The following SREBF2 variants were observed in gnomAD, a reference collection of about 807,000 sequenced individuals.
The protein encoded by SREBF2 is sterol regulatory element-binding protein 2.
SREBF2 carries 55 observed loss-of-function variants against 113.1 expected under a neutral mutation model. The observed-to-expected ratio is 0.49, with a 90% confidence interval of 0.39 to 0.61. The LOEUF (loss-of-function observed/expected upper bound fraction) is 0.61, where lower values mean the gene tolerates loss of function less well. Among genes scored for constraint, SREBF2 ranks in the 20% least tolerant of loss-of-function variants. The probability of loss-of-function intolerance (pLI) is 0.00; values close to 1 mark genes in which losing one functional copy is unlikely to be tolerated. For synonymous variants in SREBF2, 593 were observed against 605.7 expected (o/e 0.98, Z 0.31); for missense variants, 1,349 against 1,487.4 (o/e 0.91, Z 1.53).
At chr22:41,896,223 G>A (rs1211963289) in intron 13 of SREBF2, among the ~76,000 whole-genome samples, 1 of 152,122 alleles carries the variant, frequency 6.6e-6, no homozygotes, top group Non-Finnish European at 1.5e-5. Context: ...ACATCTTGGG[G>A]ACCCAGCCCC....
intron 15 of SREBF2, 50 bp downstream of exon 15, chr22:41,898,831 G>A (rs2077439128): frequency 1.9e-6 from 3 of 1,608,122 alleles, no homozygotes; most frequent in Non-Finnish European, 2.5e-6. Flanking sequence ...GGGGAATCTT[G>A]TTTGAGTTAG....
intron 15 of SREBF2, 81 bp from the exon 16 acceptor site, chr22:41,900,249 C>T: frequency 6.3e-7 from 1 of 1,580,718 alleles, no homozygotes; most frequent in African/African-American, 1.3e-5. Context: ...TGGGGCGTGG[C>T]AGTCACTGGC....
In SREBF2 at chr22:41,906,092, C is replaced by T. The variant is rs904649881; in HGVS notation, c.*432C>T. On this transcript the variant is annotated 3_prime_UTR_variant, in exon 19 of 19. Transcript: ENST00000361204. ...TCAGGCCTGTGCCCAGCATGCCCTCCCCTTTTTATACGAATGTTTTCTACC... is the reference window on the plus strand; with the variant it reads ...TCAGGCCTGTGCCCAGCATGCCCTCTCCTTTTTATACGAATGTTTTCTACC... 5 of 437,030 alleles carry T rather than the reference C, an allele frequency of 1.1e-5. No individual in the cohort carries two copies. Among genetic ancestry groups the T allele is most frequent in the African/African-American group, 4.1e-5 (2 of 49,242 alleles). The allele number at this position is 437,030 out of a possible 1,614,324, so 27.1% of individuals were successfully genotyped here.
chr22:41,900,338 T>C lies in SREBF2; in HGVS notation c.2747T>C (p.Leu916Pro). Residue 916 changes from leucine to proline, a missense_variant, in exon 16 of 19, where the codon CTG becomes CCG. Coordinates refer to ENST00000361204, the MANE Select transcript of SREBF2 (RefSeq NM_004599.4). The stretch of plus-strand genomic sequence containing the variant: ...CCCTGTCACTGCTGCAGGAGCCCCC[T>C]GGTGAAGGCCATCTTCCATGCCTGC... ...PKALEVTESP[L>P]VKAIFHACRA... The C allele has an allele frequency of 2.5e-6, 4 of 1,613,260 alleles. No homozygotes were observed. The highest frequency in any genetic ancestry group is 3.4e-6 in the Non-Finnish European group (4 of 1,180,028).
chr22:41,892,589 A>G (rs2148410653), intron 11 of SREBF2, among the ~76,000 whole-genome samples: 1 of 143,998 alleles, frequency 6.9e-6, no homozygotes, highest in Middle Eastern at 3.7e-3. Flanking sequence ...CAGAGCTTGC[A>G]GTGAGTCGAG....
chr22:41,862,447 C>A (rs2077035788), intron 1 of SREBF2, among the ~76,000 whole-genome samples: 1 of 152,176 alleles, frequency 6.6e-6, no homozygotes, highest in South Asian at 2.1e-4. Flanking sequence ...AGCGTGCCAG[C>A]CTAGCTCGTG....
Position 41,871,004 on chromosome 22 carries a change from C to T in SREBF2, c.836C>T (p.Thr279Ile), listed in dbSNP as rs2077135242. 6.2e-7 allele frequency: 1 copy of T among 1,614,116 alleles called. No individual in the cohort carries two copies. The highest frequency in any genetic ancestry group is 8.5e-7 in the Non-Finnish European group (1 of 1,180,026). ...AACCCGGCCCTCACCGCCCTCACCA[C>T]CCCTATCCAGACGGCTGCCCTTCAA... ...VQNPALTALT[T>I]PIQTAALQVP... The change falls in exon 4 of 19, where the codon ACC (threonine) becomes ATC (isoleucine). Residue 279 changes from threonine to isoleucine, a missense_variant. Thr to Ile is a moderately conservative substitution (Grantham distance 89, BLOSUM62 -1). This residue lies in a region of SREBF2 where 699 missense variants were observed against 843.3 expected (regional missense o/e 0.83). Coordinates refer to ENST00000361204, the MANE Select transcript of SREBF2 (RefSeq NM_004599.4).
rs2148383110 is a variant in SREBF2 at position 41,870,987 on chromosome 22, C to T, written c.819C>T (p.Ala273=). The change falls in exon 4 of 19, where the codon GCC becomes GCT. Residue 273 remains alanine (A), a synonymous_variant. Coordinates refer to ENST00000361204, the MANE Select transcript of SREBF2 (RefSeq NM_004599.4). ...TTATGGCTGCGGTCCAGAACCCGGC[C>T]CTCACCGCCCTCACCACCCCTATCC... ...SPVMAAVQNP[A]LTALTTPIQT... 2.5e-6 allele frequency: 4 copies of T among 1,613,928 alleles called. No individual in the cohort carries two copies. The East Asian group carries it at 8.9e-5, about 36-fold the overall frequency.
chr22:41,873,739 G>A, intron 4 of SREBF2, 59 bp from the exon 5 acceptor site: 1 of 1,534,188 alleles, frequency 6.5e-7, no homozygotes, highest in Non-Finnish European at 8.8e-7. Context: ...TCTGTGTTGA[G>A]GTTGCTTTAT....
intron 14 of SREBF2, among the ~76,000 whole-genome samples, chr22:41,897,787 A>G (rs2077429389): frequency 6.6e-6 from 1 of 152,152 alleles, no homozygotes. Context: ...CAGCCACCCT[A>G]TCATGATCCC....
intron 14 of SREBF2, among the ~76,000 whole-genome samples, chr22:41,898,365 G>T (rs188401022): frequency 5.1e-4 from 78 of 152,302 alleles, no homozygotes; most frequent in African/African-American, 1.7e-3. Flanking sequence ...TGATCCACCT[G>T]CCTCAGCCTC....
At chr22:41,836,726 G>A (rs1223829666) in intron 1 of SREBF2, among the ~76,000 whole-genome samples, 2 of 152,144 alleles carry the variant, frequency 1.3e-5, no homozygotes, top group African/African-American at 4.8e-5. Context: ...GTTTGGAGTT[G>A]GATTAGATCA....
At chr22:41,862,679 G>A (rs1342690883) in intron 1 of SREBF2, among the ~76,000 whole-genome samples, 1 of 152,156 alleles carries the variant, frequency 6.6e-6, no homozygotes, top group African/African-American at 2.4e-5. Context: ...CAGTTACAAA[G>A]CACAACTACA....
chr22:41,872,273 G>A (rs1268320796), intron 4 of SREBF2, among the ~76,000 whole-genome samples: 2 of 151,476 alleles, frequency 1.3e-5, no homozygotes, highest in Non-Finnish European at 2.9e-5. Flanking sequence ...AAGAAATAGT[G>A]TGTCAAGCCA....
intron 1 of SREBF2, among the ~76,000 whole-genome samples, chr22:41,840,021 G>A (rs1222694356): frequency 6.8e-5 from 10 of 146,104 alleles, no homozygotes; most frequent in African/African-American, 2.6e-4. Flanking sequence ...GTGCAGTGGC[G>A]CGGTCTCAGC....
intron 17 of SREBF2, among the ~76,000 whole-genome samples, 190 bp downstream of exon 17, chr22:41,903,345 ATTGG>A (rs1332434864): frequency 1.3e-5 from 2 of 152,214 alleles, no homozygotes; most frequent in African/African-American, 2.4e-5. Flanking sequence ...TTCAGCACAC[ATTGG>A]TTGAGTGCCT....
intron 9 of SREBF2, chr22:41,878,739 C>CA (rs1569397985): frequency 5.2e-5 from 68 of 1,304,088 alleles, no homozygotes; most frequent in Non-Finnish European, 6.9e-5. Flanking sequence ...GAACAAGAAC[C>CA]AGAACACTCC....
Position 41,845,574 on chromosome 22 carries a change from C to A in SREBF2, c.88+12216C>A, listed in dbSNP as rs528710332. On this transcript the variant is annotated intron_variant, in intron 1 of 18. Coordinates refer to ENST00000361204, the MANE Select transcript of SREBF2 (RefSeq NM_004599.4). ...TTTCAGGGAGCTAACATGTAAACATCCAGTCATAATACATGGGAAAATACA... is the reference window on the plus strand; with the variant it reads ...TTTCAGGGAGCTAACATGTAAACATACAGTCATAATACATGGGAAAATACA... 4.6e-5 allele frequency among the ~76,000 whole-genome samples: 7 copies of A among 152,214 alleles called. No homozygotes were observed. The South Asian group carries it at 1.5e-3, about 32-fold the overall frequency.
intron 1 of SREBF2, among the ~76,000 whole-genome samples, chr22:41,852,483 T>G (rs2148355454): frequency 6.6e-6 from 1 of 152,296 alleles, no homozygotes; most frequent in Middle Eastern, 3.4e-3. Flanking sequence ...CCTTTCTCCT[T>G]AAATCTGATC....
Sources: gnomAD v4.1 joint callset for allele counts (sites outside exome capture counted in the v4.1 genomes callset) on GRCh38, gnomAD v4.1.1 for gene constraint, gnomAD v4.1.1 regional missense constraint, MANE v1.5 for transcripts, NCBI Gene and HGNC (gene_info 2026-07-23, HGNC 2026-07-21) for gene names.